Variants in MAF observed in about 807,000 individuals in gnomAD.
The protein encoded by MAF is MAF bZIP transcription factor, also known as transcription factor Maf.
MAF carries 10 observed loss-of-function variants against 22.0 expected under a neutral mutation model. The observed-to-expected ratio is 0.45, with a 90% CI of 0.28 to 0.77. The LOEUF (loss-of-function observed/expected upper bound fraction) is 0.77. MAF is among the 30% of genes least tolerant of loss of function. The probability of loss-of-function intolerance (pLI) is 0.12; values close to 1 mark genes in which losing one functional copy is unlikely to be tolerated. For missense variants in MAF, 544 were observed against 548.4 expected (o/e 0.99, Z 0.08); for synonymous variants, 337 against 255.8 (o/e 1.32, Z -3.03).
the MAF span, among the ~76,000 whole-genome samples, chr16:79,348,376 G>A: frequency 6.6e-6 from 1 of 152,184 alleles, no homozygotes; most frequent in Non-Finnish European, 1.5e-5. Flanking sequence ...ATATGATCGG[G>A]GTTTACAGCC....
chr16:79,529,252 G>T, the MAF span, among the ~76,000 whole-genome samples: 74 of 152,250 alleles, frequency 4.9e-4, no homozygotes, highest in Non-Finnish European at 9.4e-4. Context: ...AAAAACCAGG[G>T]GAGGGAGATT....
the MAF span, among the ~76,000 whole-genome samples, chr16:79,340,794 C>T: frequency 6.6e-6 from 1 of 152,098 alleles, no homozygotes; most frequent in African/African-American, 2.4e-5. Context: ...TGTCTTCAGG[C>T]ATTGCTAGAT....
At chr16:79,393,379 A>G in the MAF span, among the ~76,000 whole-genome samples, 1 of 152,210 alleles carries the variant, frequency 6.6e-6, no homozygotes, top group African/African-American at 2.4e-5. Context: ...CCTGAGTGAC[A>G]GGATTCCTAG....
the MAF span, among the ~76,000 whole-genome samples, chr16:79,348,114 T>C: frequency 1.3e-5 from 2 of 152,210 alleles, no homozygotes; most frequent in Non-Finnish European, 2.9e-5. Context: ...ATAAACCCTG[T>C]CAGAAAATGA....
the MAF span, among the ~76,000 whole-genome samples, chr16:79,543,441 G>A: frequency 6.6e-6 from 1 of 152,168 alleles, no homozygotes; most frequent in Non-Finnish European, 1.5e-5. Context: ...TACACAAAGA[G>A]CATGTGGTGG....
At chr16:79,263,050 T>C in the MAF span, among the ~76,000 whole-genome samples, 1 of 152,208 alleles carries the variant, frequency 6.6e-6, no homozygotes, top group Non-Finnish European at 1.5e-5. Context: ...TTTTCCATAT[T>C]GACACAGTGT....
chr16:79,422,610 A>C, the MAF span, among the ~76,000 whole-genome samples: 22 of 152,246 alleles, frequency 1.4e-4, no homozygotes, highest in African/African-American at 4.6e-4. Flanking sequence ...CGTCCCTGGT[A>C]TATACTTAGT....
the MAF span, among the ~76,000 whole-genome samples, chr16:79,386,885 T>C: frequency 6.6e-6 from 1 of 152,164 alleles, no homozygotes; most frequent in South Asian, 2.1e-4. Flanking sequence ...TAAACCTCAT[T>C]GTATTGAAGA....
chr16:79,486,005 T>C, the MAF span, among the ~76,000 whole-genome samples: 1 of 152,180 alleles, frequency 6.6e-6, no homozygotes, highest in African/African-American at 2.4e-5. Flanking sequence ...ATGGGAGGAA[T>C]TTTGGGAGCA....
At chr16:79,342,125 G>A in the MAF span, among the ~76,000 whole-genome samples, 6 of 152,278 alleles carry the variant, frequency 3.9e-5, no homozygotes, top group African/African-American at 1.4e-4. Context: ...ATGTAACACC[G>A]AATCTCAGAG....
the MAF span, among the ~76,000 whole-genome samples, chr16:79,336,130 T>C: frequency 6.6e-6 from 1 of 152,308 alleles, no homozygotes; most frequent in South Asian, 2.1e-4. Context: ...TCATGAGCAG[T>C]GTAAGCTGAA....
chr16:79,534,058 T>C, the MAF span, among the ~76,000 whole-genome samples: 2 of 152,210 alleles, frequency 1.3e-5, no homozygotes, highest in Non-Finnish European at 2.9e-5. Context: ...ACTCTGCTTA[T>C]ATTGTAAACT....
At chr16:79,260,086 TTTTCTC>T in the MAF span, among the ~76,000 whole-genome samples, 3 of 152,330 alleles carry the variant, frequency 2.0e-5, no homozygotes, top group East Asian at 1.9e-4. Flanking sequence ...TCTTGCTTCC[TTTTCTC>T]TTTAACACTT....
intron 1 of MAF, chr16:79,597,204 T>TTAAAA: frequency 9.5e-7 from 1 of 1,053,560 alleles, no homozygotes; most frequent in Non-Finnish European, 1.1e-6. Context: ...TTAAAAAATC[T>TTAAAA]ACAGCTAAAC....
chr16:79,327,470 G>A, the MAF span, among the ~76,000 whole-genome samples: 1 of 152,120 alleles, frequency 6.6e-6, no homozygotes, highest in Non-Finnish European at 1.5e-5. Flanking sequence ...GTCCATGCAC[G>A]GACAAAGCCA....
Position 79,598,994 on chromosome 16 carries a change from C to G in MAF, c.909G>C (p.Gln303His), listed in dbSNP as rs752490523. 6.2e-7 allele frequency: 1 copy of G among 1,613,842 alleles called. No homozygotes were observed. Among genetic ancestry groups the G allele is most frequent in the Non-Finnish European group, 8.5e-7 (1 of 1,179,950 alleles). Residue 303 changes from glutamine (Q) to histidine (H), a missense_variant, in exon 1 of 2, where the codon CAG (glutamine) becomes CAC (histidine). Gln to His is a conservative substitution (Grantham distance 24). Transcript: ENST00000326043. ...RRTLKNRGYA[Q>H]SCRFKRVQQR... is the part of the protein sequence containing the mutation. ...GCTGCACCCTCTTGAAGCGGCAGGA[C>G]TGGGCATAGCCGCGGTTTTTCAGGG...
the MAF span, among the ~76,000 whole-genome samples, chr16:79,289,696 A>C: frequency 2.0e-5 from 3 of 152,048 alleles, no homozygotes; most frequent in Non-Finnish European, 4.4e-5. Flanking sequence ...AGGGATGTGG[A>C]AACTGTGGCT....
the MAF span, among the ~76,000 whole-genome samples, chr16:79,315,035 C>T: frequency 6.6e-6 from 1 of 152,250 alleles, no homozygotes; most frequent in African/African-American, 2.4e-5. Context: ...GTGCTACATG[C>T]TGGCTGGACC....
intron 1 of MAF, chr16:79,597,007 A>G (rs1913572116): frequency 1.9e-6 from 2 of 1,054,834 alleles, no homozygotes; most frequent in Non-Finnish European, 2.3e-6. Flanking sequence ...ACAGATATAA[A>G]CAGGGGCGTT....
Sources: gnomAD v4.1 joint callset for allele counts (sites outside exome capture counted in the v4.1 genomes callset) on GRCh38, gnomAD v4.1.1 for gene constraint, MANE v1.5 for transcripts, NCBI Gene and HGNC (gene_info 2026-07-23, HGNC 2026-07-21) for gene names.